Variants in GTF2F2 observed in about 807,000 individuals in gnomAD.
GTF2F2 encodes the protein ATP-dependent helicase GTF2F2.
Under a neutral mutation model 42.2 loss-of-function variants are expected in GTF2F2, and 23 were observed. The ratio of observed to expected loss-of-function variants is 0.55; its 90% CI spans 0.39 to 0.77. The LOEUF (loss-of-function observed/expected upper bound fraction) is 0.77, where lower values mean the gene tolerates loss of function less well. GTF2F2 is among the 30% of genes least tolerant of loss of function. GTF2F2 has a pLI of 0.00. For missense variants in GTF2F2, 261 were observed against 287.2 expected (o/e 0.91, Z 0.66); for synonymous variants, 105 against 100.8 (o/e 1.04, Z -0.25).
chr13:45,246,131 C>G (rs1230589562), intron 5 of GTF2F2, among the ~76,000 whole-genome samples: 2 of 150,982 alleles, frequency 1.3e-5, no homozygotes, highest in African/African-American at 4.9e-5. Context: ...GCCTCAGCCT[C>G]CCGAGTAGCT....
chr13:45,167,190 G>A (rs1033874742), intron 4 of GTF2F2, among the ~76,000 whole-genome samples: 1 of 150,140 alleles, frequency 6.7e-6, no homozygotes, highest in East Asian at 1.9e-4. Context: ...ATAATAAAGG[G>A]TAAAAAGCCC....
intron 5 of GTF2F2, among the ~76,000 whole-genome samples, chr13:45,219,161 A>G (rs1201057892): frequency 8.2e-5 from 7 of 85,746 alleles, no homozygotes; most frequent in Admixed American, 2.4e-4. Context: ...TTTAGTGACT[A>G]TCCTTAAAAA....
intron 4 of GTF2F2, among the ~76,000 whole-genome samples, chr13:45,154,160 C>T (rs1870640298): frequency 6.6e-6 from 1 of 151,928 alleles, no homozygotes; most frequent in Admixed American, 6.6e-5. Flanking sequence ...CCTTGATAAA[C>T]GTTTGAGGTA....
chr13:45,210,430 A>G (rs956708992), intron 5 of GTF2F2, among the ~76,000 whole-genome samples: 1 of 152,066 alleles, frequency 6.6e-6, no homozygotes, highest in African/African-American at 2.4e-5. Flanking sequence ...TCTCTTCTCA[A>G]AATACCACTT....
At chr13:45,197,721 A>G (rs1417593065) in intron 4 of GTF2F2, among the ~76,000 whole-genome samples, 3 of 152,016 alleles carry the variant, frequency 2.0e-5, no homozygotes, top group Non-Finnish European at 4.4e-5. Context: ...GGGGGTGGCG[A>G]GTGGGTGTTG....
chr13:45,146,517 A>AACAAT (rs1468534188), intron 2 of GTF2F2, among the ~76,000 whole-genome samples: 5 of 152,028 alleles, frequency 3.3e-5, no homozygotes, highest in Admixed American at 2.6e-4. Flanking sequence ...AACAAAACAA[A>AACAAT]ACCAACAAGA....
At chr13:45,173,754 A>G (rs577015088) in intron 4 of GTF2F2, among the ~76,000 whole-genome samples, 2 of 150,980 alleles carry the variant, frequency 1.3e-5, no homozygotes, top group South Asian at 4.2e-4. Flanking sequence ...AGTAGCTGGG[A>G]CTACAGGCGC....
chr13:45,250,051 C>CTTTTTTTT (rs780347641), intron 5 of GTF2F2, among the ~76,000 whole-genome samples: 72 of 100,878 alleles, frequency 7.1e-4, no homozygotes, highest in East Asian at 1.1e-3. Flanking sequence ...TGCCTTATCT[C>CTTTTTTTT]TTTTTTTTTT....
intron 2 of GTF2F2, among the ~76,000 whole-genome samples, chr13:45,142,884 TA>T (rs1400946572): frequency 1.3e-5 from 2 of 152,208 alleles, no homozygotes; most frequent in African/African-American, 4.8e-5. Flanking sequence ...ATTTTGAGCT[TA>T]ATATGAGTCA....
chr13:45,265,311 A>G (rs1876519492), intron 6 of GTF2F2, among the ~76,000 whole-genome samples: 1 of 151,780 alleles, frequency 6.6e-6, no homozygotes, highest in Non-Finnish European at 1.5e-5. Context: ...CTAACAATAC[A>G]ATCTGTGTCA....
At chr13:45,142,004 T>G (rs1056493041) in intron 2 of GTF2F2, among the ~76,000 whole-genome samples, 1 of 152,228 alleles carries the variant, frequency 6.6e-6, no homozygotes, top group African/African-American at 2.4e-5. Flanking sequence ...TTGGTTTACT[T>G]TGTTGCATCT....
At chr13:45,158,610 C>A (rs1020093443) in intron 4 of GTF2F2, among the ~76,000 whole-genome samples, 1 of 152,178 alleles carries the variant, frequency 6.6e-6, no homozygotes, top group African/African-American at 2.4e-5. Flanking sequence ...GATTTGTCTT[C>A]TATAGTCATA....
intron 5 of GTF2F2, among the ~76,000 whole-genome samples, chr13:45,250,190 G>T (rs991766151): frequency 6.6e-6 from 1 of 151,752 alleles, no homozygotes; most frequent in African/African-American, 2.4e-5. Flanking sequence ...GACTAGCTGG[G>T]ATTGCAGGTA....
At chr13:45,226,772 C>T (rs1209219663) in intron 5 of GTF2F2, among the ~76,000 whole-genome samples, 1 of 152,112 alleles carries the variant, frequency 6.6e-6, no homozygotes, top group Non-Finnish European at 1.5e-5. Flanking sequence ...TCTATTTACG[C>T]CTTCTTTTAT....
At chr13:45,258,362 CAA>C (rs563202331) in intron 6 of GTF2F2, among the ~76,000 whole-genome samples, 28 of 134,976 alleles carry the variant, frequency 2.1e-4, no homozygotes, top group Admixed American at 1.5e-4. Context: ...TCCTGCAATA[CAA>C]AAAAAAAAAA....
At chr13:45,225,646 T>A (rs1000414874) in intron 5 of GTF2F2, among the ~76,000 whole-genome samples, 1 of 149,532 alleles carries the variant, frequency 6.7e-6, no homozygotes, top group Non-Finnish European at 1.5e-5. Flanking sequence ...AGCCTTGGCC[T>A]ATGACAAGCT....
rs372901327 is a variant in GTF2F2 at position 45,228,283 on chromosome 13, C to CTTTTTTTTTTTTTTTTT, written c.386+20794_386+20795insTTTTTTTTTTTTTTTTT. On this transcript the variant is annotated intron_variant, in intron 5 of 7. Transcript: ENST00000340473. The stretch of plus-strand genomic sequence containing the variant: ...TTTCCTTATTGCTGCCAGAGTTAAT[C>CTTTTTTTTTTTTTTTTT]TTTTTTTTTTTTTTTTGGAGACGGA... 5.2e-4 allele frequency among the ~76,000 whole-genome samples: 48 copies of CTTTTTTTTTTTTTTTTT among 92,716 alleles called. 8 individuals are homozygous for CTTTTTTTTTTTTTTTTT. The highest frequency in any genetic ancestry group is 1.8e-3 in the African/African-American group (31 of 17,636). 60.8% of individuals were successfully genotyped at this position (92,716 alleles called of 152,430 possible). A position where few individuals can be genotyped will look rare whatever the true frequency, so the allele number is the denominator to read the frequency against.
At chr13:45,245,666 A>AAAATATAT (rs1491331653) in intron 5 of GTF2F2, among the ~76,000 whole-genome samples, 2 of 110,848 alleles carry the variant, frequency 1.8e-5, no homozygotes, top group Non-Finnish European at 3.6e-5. Flanking sequence ...CCATGGTGTG[A>AAAATATAT]ATATATATAT....
intron 6 of GTF2F2, among the ~76,000 whole-genome samples, chr13:45,258,528 A>G (rs886299690): frequency 6.6e-5 from 10 of 152,198 alleles, no homozygotes; most frequent in African/African-American, 1.9e-4. Flanking sequence ...TTGTTGCAAA[A>G]TAACTGGCAA....
Sources: allele counts gnomAD v4.1 joint callset (sites outside exome capture counted in the v4.1 genomes callset), GRCh38; gene constraint gnomAD v4.1.1; transcripts MANE v1.5; gene names NCBI Gene and HGNC (gene_info 2026-07-23, HGNC 2026-07-21).